KLHL14: variants seen among roughly 807,000 people sequenced by gnomAD.
KLHL14 encodes the protein kelch-like protein 14.
KLHL14 carries 22 observed loss-of-function variants against 64.3 expected under a neutral mutation model. That is an observed-to-expected ratio of 0.34 (90% confidence interval 0.24 to 0.49). The LOEUF (loss-of-function observed/expected upper bound fraction) is 0.49, where lower values mean the gene tolerates loss of function less well. Among genes scored for constraint, KLHL14 ranks in the 20% least tolerant of loss-of-function variants. The probability of loss-of-function intolerance (pLI) is 0.99; values close to 1 mark genes in which losing one functional copy is unlikely to be tolerated. For synonymous variants in KLHL14, 322 were observed against 333.4 expected (o/e 0.97, Z 0.37); for missense variants, 661 against 789.0 (o/e 0.84, Z 1.94).
At chr18:32,684,454 C>T (rs548106438) in intron 5 of KLHL14, among the ~76,000 whole-genome samples, 3 of 151,612 alleles carry the variant, frequency 2.0e-5, no homozygotes, top group East Asian at 1.9e-4. Context: ...ACAAATGCCC[C>T]GTCAATCTTG....
intron 2 of KLHL14, among the ~76,000 whole-genome samples, chr18:32,753,957 T>A (rs1183933505): frequency 6.6e-6 from 1 of 152,208 alleles, no homozygotes; most frequent in Non-Finnish European, 1.5e-5. Flanking sequence ...TGTGAGGAAG[T>A]TGCGTGGCAA....
chr18:32,741,183 G>A (rs1006928550), intron 3 of KLHL14, among the ~76,000 whole-genome samples: 2 of 152,178 alleles, frequency 1.3e-5, no homozygotes, highest in African/African-American at 4.8e-5. Context: ...CAGCCACTGT[G>A]CCCACGAGGG....
In KLHL14 at chr18:32,674,384, C is replaced by T. The variant is rs1598542804; in HGVS notation, c.*273G>A. On this transcript the variant is annotated 3_prime_UTR_variant, in exon 9 of 9. Coordinates refer to ENST00000359358, the MANE Select transcript of KLHL14 (RefSeq NM_020805.3). ...CTTTCTCCTTTTGCAAGTTAAGATT[C>T]ACATGAAGAGTTTTTGTAAAGCTGG... The T allele has an allele frequency of 2.8e-6, 1 of 355,370 alleles. No homozygotes were observed. Among genetic ancestry groups the T allele is most frequent in the Non-Finnish European group, 5.1e-6 (1 of 194,850 alleles). 22.0% of individuals were successfully genotyped at this position (355,370 alleles called of 1,614,324 possible). A position where few individuals can be genotyped will look rare whatever the true frequency, so the allele number is the denominator to read the frequency against.
chr18:32,739,947 C>T (rs2050187379), intron 3 of KLHL14, among the ~76,000 whole-genome samples: 1 of 152,104 alleles, frequency 6.6e-6, no homozygotes, highest in Admixed American at 6.6e-5. Flanking sequence ...ATAGTACCTG[C>T]AACTTTTTGA....
chr18:32,701,525 C>A (rs1320947996), intron 3 of KLHL14, among the ~76,000 whole-genome samples: 1 of 152,140 alleles, frequency 6.6e-6, no homozygotes, highest in Admixed American at 6.6e-5. Flanking sequence ...AGTCAGCAGG[C>A]AGACACAGGC....
At chr18:32,705,767 C>G (rs747456812) in intron 3 of KLHL14, among the ~76,000 whole-genome samples, 9 of 152,178 alleles carry the variant, frequency 5.9e-5, no homozygotes, top group Non-Finnish European at 1.3e-4. Context: ...ACAATATCAA[C>G]TTTTTAATTG....
chr18:32,687,291 T>C (rs2049884275), intron 4 of KLHL14, 58 bp from the exon 5 acceptor site: 1 of 1,337,244 alleles, frequency 7.5e-7, no homozygotes, highest in Non-Finnish European at 1.1e-6. Flanking sequence ...TTTGCACATG[T>C]AGTAGTGTTT....
intron 2 of KLHL14, among the ~76,000 whole-genome samples, chr18:32,746,831 T>A (rs1366021687): frequency 6.6e-6 from 1 of 152,216 alleles, no homozygotes; most frequent in East Asian, 1.9e-4. Context: ...CCTAGCAAGT[T>A]ACCAGGATCA....
At chr18:32,709,451 A>ATT (rs11392963) in intron 3 of KLHL14, among the ~76,000 whole-genome samples, 21 of 147,544 alleles carry the variant, frequency 1.4e-4, no homozygotes, top group Admixed American at 2.7e-4. Flanking sequence ...TACCTTTAGA[A>ATT]TTTTTTTTTT....
chr18:32,690,200 A>T (rs771443619), intron 4 of KLHL14, among the ~76,000 whole-genome samples: 1 of 152,156 alleles, frequency 6.6e-6, no homozygotes, highest in Non-Finnish European at 1.5e-5. Flanking sequence ...GGGATGACAG[A>T]CAGTGAAAAG....
chr18:32,718,982 C>G (rs1201702647), intron 3 of KLHL14, among the ~76,000 whole-genome samples: 2 of 152,004 alleles, frequency 1.3e-5, no homozygotes, highest in Non-Finnish European at 1.5e-5. Flanking sequence ...GAGTTTCACT[C>G]TTGTTGCCCA....
At chr18:32,713,753 A>G (rs780969515) in intron 3 of KLHL14, among the ~76,000 whole-genome samples, 2 of 152,168 alleles carry the variant, frequency 1.3e-5, no homozygotes, top group Non-Finnish European at 2.9e-5. Flanking sequence ...AGTTTTTAAT[A>G]GTAGTATGAT....
At chr18:32,748,639 C>T (rs925283304) in intron 2 of KLHL14, among the ~76,000 whole-genome samples, 2 of 141,324 alleles carry the variant, frequency 1.4e-5, no homozygotes, top group Admixed American at 1.5e-4. Flanking sequence ...CAGGCGTGAG[C>T]CACCGCACCA....
At chr18:32,772,212 C>T (rs1175374766) in intron 1 of KLHL14, 2 of 397,652 alleles carry the variant, frequency 5.0e-6, no homozygotes, top group South Asian at 3.5e-5. Flanking sequence ...CCCTGCCTGG[C>T]GCCGGTCCTG....
intron 3 of KLHL14, among the ~76,000 whole-genome samples, chr18:32,730,673 G>A (rs902200300): frequency 6.6e-6 from 1 of 152,136 alleles, no homozygotes; most frequent in African/African-American, 2.4e-5. Context: ...GTCACGCTCT[G>A]ATTAAAAACA....
At chr18:32,706,191 G>GT (rs2049989410) in intron 3 of KLHL14, among the ~76,000 whole-genome samples, 1 of 152,168 alleles carries the variant, frequency 6.6e-6, no homozygotes, top group Non-Finnish European at 1.5e-5. Flanking sequence ...GTGATGTCCA[G>GT]TAAGTACTAG....
intron 5 of KLHL14, among the ~76,000 whole-genome samples, chr18:32,685,824 C>A (rs2049874291): frequency 6.6e-6 from 1 of 152,036 alleles, no homozygotes; most frequent in South Asian, 2.1e-4. Context: ...TGTCTTGCTG[C>A]AATAAGTACA....
intron 2 of KLHL14, among the ~76,000 whole-genome samples, chr18:32,757,760 G>C (rs1361081307): frequency 1.3e-5 from 2 of 152,088 alleles, no homozygotes; most frequent in Non-Finnish European, 2.9e-5. Flanking sequence ...TGATGCCCAA[G>C]TCAACAAAGC....
At chr18:32,722,252 T>G (rs760992012) in intron 3 of KLHL14, among the ~76,000 whole-genome samples, 5 of 152,180 alleles carry the variant, frequency 3.3e-5, no homozygotes, top group African/African-American at 4.8e-5. Flanking sequence ...GACTAATACA[T>G]TTTCCTTCAG....
Sources: allele counts gnomAD v4.1 joint callset (sites outside exome capture counted in the v4.1 genomes callset), GRCh38; gene constraint gnomAD v4.1.1; transcripts MANE v1.5; gene names NCBI Gene and HGNC (gene_info 2026-07-23, HGNC 2026-07-21).